The following OLFM3 variants were observed in gnomAD, a reference collection of about 807,000 sequenced individuals.
The protein encoded by OLFM3 is olfactomedin 3, also known as noelin-3.
Under a neutral mutation model 48.6 loss-of-function variants are expected in OLFM3, and 20 were observed. The observed-to-expected ratio is 0.41, with a 90% CI of 0.29 to 0.60. The LOEUF (loss-of-function observed/expected upper bound fraction) is 0.60. Ranked by LOEUF, OLFM3 falls within the 20% of genes least tolerant of loss-of-function variation. The pLI, the probability that OLFM3 is intolerant of heterozygous loss-of-function variation, is 0.28. For missense variants in OLFM3, 437 were observed against 544.3 expected (o/e 0.80, Z 1.96); for synonymous variants, 222 against 198.1 (o/e 1.12, Z -1.01).
At chr1:101,897,356 C>T (rs903825411) in intron 1 of OLFM3, among the ~76,000 whole-genome samples, 11 of 152,100 alleles carry the variant, frequency 7.2e-5, no homozygotes, top group East Asian at 3.9e-4. Flanking sequence ...ACTAGAATTC[C>T]GACAATTCTA....
chr1:101,872,348 A>G (rs1657114581), intron 1 of OLFM3, among the ~76,000 whole-genome samples: 1 of 151,996 alleles, frequency 6.6e-6, no homozygotes, highest in Admixed American at 6.6e-5. Context: ...CTATGGCAAG[A>G]GTTCAGAAAA....
chr1:101,815,018 A>G (rs542509054), intron 4 of OLFM3, among the ~76,000 whole-genome samples: 1 of 152,322 alleles, frequency 6.6e-6, no homozygotes, highest in African/African-American at 2.4e-5. Context: ...CATTGTTTGT[A>G]AACTTTGTGA....
chr1:101,879,959 A>G (rs1657453272), intron 1 of OLFM3, among the ~76,000 whole-genome samples: 2 of 151,870 alleles, frequency 1.3e-5, no homozygotes, highest in Admixed American at 1.3e-4. Flanking sequence ...AAAATCTGGG[A>G]TTATAAAAAG....
Position 101,851,986 on chromosome 1 carries a change from C to A in OLFM3, c.70-14961G>T, listed in dbSNP as rs377166401. Among the ~76,000 whole-genome samples the A allele has an allele frequency of 2.7e-4, 41 of 152,214 alleles. No individual in the cohort carries two copies. In the East Asian group the frequency reaches 7.1e-3, roughly 26 times the overall value. On this transcript the variant is annotated intron_variant, in intron 1 of 5. Transcript: ENST00000370103. ...CCCAGATGATGCTGATGCTGCAATT[C>A]TTGGCCCACCCTTTGAGTAGACAGC... is the stretch of plus-strand genomic sequence containing the variant.
chr1:101,967,645 C>CCAAT (rs1660655309), intron 1 of OLFM3, among the ~76,000 whole-genome samples: 1 of 135,234 alleles, frequency 7.4e-6, no homozygotes, highest in Admixed American at 7.8e-5. Flanking sequence ...GGAATGAACA[C>CCAAT]CAATCATTTT....
At chr1:101,814,046 G>C (rs550699081) in intron 4 of OLFM3, among the ~76,000 whole-genome samples, 14 of 152,092 alleles carry the variant, frequency 9.2e-5, no homozygotes, top group African/African-American at 3.4e-4. Flanking sequence ...TCACTGAGTA[G>C]GGGACAAAGT....
chr1:101,913,128 CTAAGT>C (rs1658813025), intron 1 of OLFM3, among the ~76,000 whole-genome samples: 2 of 152,134 alleles, frequency 1.3e-5, no homozygotes, highest in African/African-American at 4.8e-5. Context: ...GTTTAGCTTT[CTAAGT>C]TTAGTTAGGA....
rs1660047069 is a variant in OLFM3 at position 101,949,212 on chromosome 1, C to T, written c.69+47536G>A. 3.3e-5 allele frequency among the ~76,000 whole-genome samples: 5 copies of T among 152,046 alleles called. No homozygotes were observed. The South Asian group carries it at 1.0e-3, about 32-fold the overall frequency. The stretch of plus-strand genomic sequence containing the variant: ...TTCCAAAACACCACTGTTTATGTTC[C>T]CTCCCTACCTCACTGCAAGCTCCTC... On this transcript the variant is annotated intron_variant, in intron 1 of 5. Coordinates refer to ENST00000370103, the MANE Select transcript of OLFM3 (RefSeq NM_058170.4).
Position 101,803,262 on chromosome 1 carries a change from T to C in OLFM3, c.*976A>G, listed in dbSNP as rs1214060719. 6.6e-6 allele frequency: 1 copy of C among 152,150 alleles called. No individual in the cohort carries two copies. The highest frequency in any genetic ancestry group is 6.6e-5 in the Admixed American group (1 of 15,194). 9.4% of individuals were successfully genotyped at this position (152,150 alleles called of 1,614,324 possible). A position where few individuals can be genotyped will look rare whatever the true frequency, so the allele number is the denominator to read the frequency against. ...ATGTAAAATATAAATTAAATGCTAG[T>C]ACATTTAACTATGAAGAACAAAATT... On this transcript the variant is annotated 3_prime_UTR_variant, in exon 6 of 6. Transcript: ENST00000370103.
intron 4 of OLFM3, among the ~76,000 whole-genome samples, chr1:101,811,983 A>T (rs1033758162): frequency 6.6e-6 from 1 of 152,236 alleles, no homozygotes; most frequent in Non-Finnish European, 1.5e-5. Flanking sequence ...TGGCACATAT[A>T]CACCATGGAA....
At chr1:101,838,700 A>G (rs10443186) in intron 1 of OLFM3, among the ~76,000 whole-genome samples, 42,797 of 151,970 alleles carry the variant, frequency 0.28, 6,988 homozygotes, top group Admixed American at 0.41. Context: ...GGCTGGTCTC[A>G]GACTCCTGAT....
intron 1 of OLFM3, among the ~76,000 whole-genome samples, chr1:101,963,347 G>A (rs1660519104): frequency 6.6e-6 from 1 of 152,134 alleles, no homozygotes; most frequent in Admixed American, 6.5e-5. Flanking sequence ...TTTTCAGGTG[G>A]GAGGGTAACC....
intron 4 of OLFM3, among the ~76,000 whole-genome samples, chr1:101,822,654 C>G (rs1198231443): frequency 2.6e-5 from 4 of 152,122 alleles, no homozygotes; most frequent in Non-Finnish European, 4.4e-5. Flanking sequence ...TTGTAAACTT[C>G]ATATTGTTGA....
chr1:101,968,340 C>G (rs1230611841), intron 1 of OLFM3, among the ~76,000 whole-genome samples: 1 of 152,048 alleles, frequency 6.6e-6, no homozygotes, highest in East Asian at 1.9e-4. Flanking sequence ...AAGAGATTTC[C>G]AAGTCAGAGA....
chr1:101,836,331 C>A (rs1261488151), intron 2 of OLFM3, among the ~76,000 whole-genome samples: 1 of 152,152 alleles, frequency 6.6e-6, no homozygotes, highest in Non-Finnish European at 1.5e-5. Flanking sequence ...AGACATTCTG[C>A]ATTTGATTGT....
chr1:101,826,962 T>C (rs1302050509), intron 3 of OLFM3, among the ~76,000 whole-genome samples: 1 of 152,216 alleles, frequency 6.6e-6, no homozygotes, highest in East Asian at 1.9e-4. Context: ...AAACTAGATA[T>C]TTATATTTTT....
At chr1:101,902,130 T>C (rs1557723656) in intron 1 of OLFM3, among the ~76,000 whole-genome samples, 1 of 151,474 alleles carries the variant, frequency 6.6e-6, no homozygotes, top group Non-Finnish European at 1.5e-5. Context: ...CAAATAGCTA[T>C]GAAAAAAAGA....
chr1:101,937,867 TATTC>T (rs1659671012), intron 1 of OLFM3, among the ~76,000 whole-genome samples: 1 of 152,204 alleles, frequency 6.6e-6, no homozygotes, highest in African/African-American at 2.4e-5. Flanking sequence ...TCTAATCACT[TATTC>T]ATCCCTTACA....
chr1:101,887,022 C>A (rs961202515), intron 1 of OLFM3, among the ~76,000 whole-genome samples: 25 of 151,950 alleles, frequency 1.6e-4, no homozygotes, highest in Admixed American at 1.6e-3. Context: ...GCTATTAGAA[C>A]AATTAGCTAA....
Sources: gnomAD v4.1 joint callset for allele counts (sites outside exome capture counted in the v4.1 genomes callset) on GRCh38, gnomAD v4.1.1 for gene constraint, MANE v1.5 for transcripts, NCBI Gene and HGNC (gene_info 2026-07-23, HGNC 2026-07-21) for gene names.